RGS7: variants seen among roughly 807,000 people sequenced by gnomAD.
RGS7 encodes the protein regulator of G protein signaling 7.
In RGS7, 27 loss-of-function variants were observed where a neutral mutation model predicts 81.1. The ratio of observed to expected loss-of-function variants is 0.33; its 90% CI spans 0.25 to 0.46. The LOEUF is 0.46. Ranked by LOEUF, RGS7 falls within the 20% of genes least tolerant of loss-of-function variation. The pLI, the probability that RGS7 is intolerant of heterozygous loss-of-function variation, is 1.00. For missense variants in RGS7, 396 were observed against 607.4 expected (o/e 0.65, Z 3.66); for synonymous variants, 208 against 207.7 (o/e 1.00, Z -0.01).
chr1:240,791,204 C>T (rs892806466), intron 18 of RGS7, among the ~76,000 whole-genome samples: 2 of 152,164 alleles, frequency 1.3e-5, no homozygotes, highest in African/African-American at 4.8e-5. Flanking sequence ...ATGGCTTCTG[C>T]TGGTTGAAAT....
intron 2 of RGS7, among the ~76,000 whole-genome samples, chr1:241,156,495 G>A (rs2069159935): frequency 6.7e-6 from 1 of 149,926 alleles, no homozygotes; most frequent in African/African-American, 2.5e-5. Flanking sequence ...AACAGAGAGA[G>A]ACTCTGTCTC....
At chr1:241,133,359 G>A (rs1409490106) in intron 2 of RGS7, among the ~76,000 whole-genome samples, 1 of 151,308 alleles carries the variant, frequency 6.6e-6, no homozygotes, top group Non-Finnish European at 1.5e-5. Context: ...TTAATGGGAT[G>A]TATAAGTCTA....
intron 16 of RGS7, among the ~76,000 whole-genome samples, chr1:240,801,873 A>G (rs1042623458): frequency 2.0e-5 from 3 of 152,198 alleles, no homozygotes; most frequent in African/African-American, 7.2e-5. Context: ...TTATGAGAAA[A>G]AATTCCTATT....
At chr1:241,131,967 C>G (rs989128683) in intron 2 of RGS7, among the ~76,000 whole-genome samples, 32 of 152,146 alleles carry the variant, frequency 2.1e-4, no homozygotes, top group Admixed American at 2.0e-3. Flanking sequence ...ATACAGAAAA[C>G]TAAATGTGGC....
At chr1:241,198,240 A>G (rs1053167770) in intron 2 of RGS7, among the ~76,000 whole-genome samples, 4 of 152,032 alleles carry the variant, frequency 2.6e-5, no homozygotes, top group African/African-American at 9.6e-5. Flanking sequence ...TAATATATAC[A>G]TGAGACAAAG....
chr1:241,321,599 T>C (rs2081219142), intron 2 of RGS7, among the ~76,000 whole-genome samples: 1 of 152,186 alleles, frequency 6.6e-6, no homozygotes, highest in African/African-American at 2.4e-5. Context: ...AACACTATCA[T>C]TTGTGCAGAA....
chr1:241,246,374 G>C (rs1180740198), intron 2 of RGS7, among the ~76,000 whole-genome samples: 2 of 152,164 alleles, frequency 1.3e-5, no homozygotes, highest in Admixed American at 6.5e-5. Context: ...AACCGTGATA[G>C]AGCATGGTTG....
intron 3 of RGS7, among the ~76,000 whole-genome samples, chr1:241,022,212 A>AC (rs1351802164): frequency 6.6e-6 from 1 of 152,208 alleles, no homozygotes; most frequent in Non-Finnish European, 1.5e-5. Context: ...AACTGATAAA[A>AC]TTATTACAGT....
intron 2 of RGS7, among the ~76,000 whole-genome samples, chr1:241,112,608 A>G (rs1325425089): frequency 6.6e-6 from 1 of 152,196 alleles, no homozygotes; most frequent in East Asian, 1.9e-4. Flanking sequence ...TCAAAGTTTT[A>G]AAGTGGTTTC....
chr1:240,967,971 G>C (rs189973383), intron 4 of RGS7, among the ~76,000 whole-genome samples: 91 of 152,226 alleles, frequency 6.0e-4, no homozygotes, highest in Middle Eastern at 6.8e-3. Context: ...CCCTAGGCAG[G>C]GGCTGCTGAA....
At chr1:241,350,121 A>G (rs75614728) in intron 2 of RGS7, among the ~76,000 whole-genome samples, 2,720 of 152,316 alleles carry the variant, frequency 0.018, 34 homozygotes, top group Non-Finnish European at 0.029. Context: ...GCAAGGAAAG[A>G]GCTCAACCCT....
At chr1:241,088,720 T>A (rs181351956) in intron 3 of RGS7, among the ~76,000 whole-genome samples, 1 of 151,970 alleles carries the variant, frequency 6.6e-6, no homozygotes, top group Non-Finnish European at 1.5e-5. Context: ...TTTTGTTATC[T>A]TAATTAGTAA....
At chr1:241,337,108 C>T (rs2082284679) in intron 2 of RGS7, among the ~76,000 whole-genome samples, 1 of 152,136 alleles carries the variant, frequency 6.6e-6, no homozygotes, top group Admixed American at 6.6e-5. Context: ...GCCTCATTTT[C>T]CTCATTTGTA....
intron 6 of RGS7, among the ~76,000 whole-genome samples, chr1:240,927,717 T>C (rs1217091072): frequency 1.3e-5 from 2 of 152,248 alleles, no homozygotes; most frequent in Non-Finnish European, 2.9e-5. Flanking sequence ...CTTAATGGAA[T>C]AATTACATTA....
intron 2 of RGS7, among the ~76,000 whole-genome samples, chr1:241,118,513 A>C (rs1429347432): frequency 6.6e-6 from 1 of 152,246 alleles, no homozygotes; most frequent in Non-Finnish European, 1.5e-5. Context: ...AAACAAAACT[A>C]TCATTTGACC....
At chr1:241,064,576 G>A (rs757464528) in intron 3 of RGS7, among the ~76,000 whole-genome samples, 8 of 151,470 alleles carry the variant, frequency 5.3e-5, no homozygotes, top group Non-Finnish European at 1.2e-4. Flanking sequence ...GCAAGACCCT[G>A]ACTCAAAAAC....
intron 2 of RGS7, among the ~76,000 whole-genome samples, chr1:241,129,706 G>A (rs1023393844): frequency 6.6e-6 from 1 of 152,048 alleles, no homozygotes; most frequent in Non-Finnish European, 1.5e-5. Context: ...TTTATTAAAC[G>A]AGATTTCTGG....
intron 6 of RGS7, among the ~76,000 whole-genome samples, chr1:240,919,274 A>G (rs958432774): frequency 6.6e-6 from 1 of 152,106 alleles, no homozygotes; most frequent in Non-Finnish European, 1.5e-5. Flanking sequence ...AAAAATTACC[A>G]AAAAGGAAGA....
chr1:241,288,872 C>A (rs985032202), intron 2 of RGS7, among the ~76,000 whole-genome samples: 2 of 152,136 alleles, frequency 1.3e-5, no homozygotes, highest in Non-Finnish European at 2.9e-5. Flanking sequence ...CAGAAATGTT[C>A]CCTACCTGCT....
Sources: gnomAD v4.1 joint callset for allele counts (sites outside exome capture counted in the v4.1 genomes callset) on GRCh38, gnomAD v4.1.1 for gene constraint, MANE v1.5 for transcripts, NCBI Gene and HGNC (gene_info 2026-07-23, HGNC 2026-07-21) for gene names.